Variants in DNAJA4 observed in about 807,000 individuals in gnomAD.
DNAJA4 encodes the protein DnaJ heat shock protein family (Hsp40) member A4.
In DNAJA4, 32 loss-of-function variants were observed where a neutral mutation model predicts 39.7. That is an observed-to-expected ratio of 0.81 (90% CI 0.61 to 1.08). The LOEUF (loss-of-function observed/expected upper bound fraction) is 1.08. DNAJA4 is among the 50% of genes least tolerant of loss of function. The probability of loss-of-function intolerance (pLI) is 0.00; values close to 1 mark genes in which losing one functional copy is unlikely to be tolerated. For missense variants in DNAJA4, 439 were observed against 505.1 expected (o/e 0.87, Z 1.25); for synonymous variants, 184 against 182.4 (o/e 1.01, Z -0.07).
Position 78,273,183 on chromosome 15 carries a change from T to C in DNAJA4, c.402T>C (p.Ile134=), listed in dbSNP as rs548410769. The change falls in exon 3 of 7, where the codon ATT becomes ATC. Residue 134 remains isoleucine (I), a synonymous_variant. Transcript: ENST00000394852. ...TKKLALQKNV[I]CEKCEGVGGK... ...AATTGGCCCTCCAGAAAAATGTAAT[T>C]TGTGAGAAATGTGAAGGTAAAAATT... 1 of 1,593,718 alleles carries C rather than the reference T, an allele frequency of 6.3e-7. No homozygotes were observed. The highest frequency in any genetic ancestry group is 1.7e-5 in the Admixed American group (1 of 59,972).
In DNAJA4 at chr15:78,270,486, C is replaced by T. The variant is rs763455731; in HGVS notation, c.133-11C>T. ...CTTCTCTAAAAATCTCTCTCTCTCT[C>T]TCTTTTAAAGTTTAAACTCATATCC... is the stretch of plus-strand genomic sequence containing the variant. On this transcript the variant is annotated splice_polypyrimidine_tract_variant and intron_variant, in intron 1 of 6. Coordinates refer to ENST00000394852, the MANE Select transcript of DNAJA4 (RefSeq NM_001130182.2). The T allele has an allele frequency of 1.2e-5, 20 of 1,600,482 alleles. No homozygotes were observed. Among genetic ancestry groups the T allele is most frequent in the Non-Finnish European group, 1.7e-5 (20 of 1,174,410 alleles).
intron 5 of DNAJA4, chr15:78,277,811 A>C: frequency 2.9e-6 from 1 of 349,824 alleles, no homozygotes; most frequent in Non-Finnish European, 5.6e-6. Context: ...CCCCAGAGGG[A>C]AGGAAGTGGC....
At chr15:78,272,277 CA>C (rs1369794438) in intron 2 of DNAJA4, among the ~76,000 whole-genome samples, 1 of 152,150 alleles carries the variant, frequency 6.6e-6, no homozygotes, top group Non-Finnish European at 1.5e-5. Context: ...GCGGAGCTTG[CA>C]GTGAGCCAAG....
Position 78,280,102 on chromosome 15 carries a change from ACAAAG to A in DNAJA4, c.938_942del (p.Lys313ThrfsTer17). 1 of 1,614,254 alleles carries A rather than the reference ACAAAG, an allele frequency of 6.2e-7. No homozygotes were observed. Among genetic ancestry groups the A allele is most frequent in the Non-Finnish European group, 8.5e-7 (1 of 1,180,034 alleles). ...GTGCGCGATGAAGGAATGCCCATCT[ACAAAG>A]CACCCCTGGAAAAAGGGATTCTGAT... is the stretch of plus-strand genomic sequence containing the variant. On this transcript the variant is annotated frameshift_variant, in exon 6 of 7. Coordinates refer to ENST00000394852, the MANE Select transcript of DNAJA4 (RefSeq NM_001130182.2). LOFTEE classifies it low-confidence loss of function (END_TRUNC).
At chr15:78,273,234 T>C in intron 3 of DNAJA4, 35 bp downstream of exon 3, 1 of 1,181,844 alleles carries the variant, frequency 8.5e-7, no homozygotes, top group Non-Finnish European at 1.3e-6. Context: ...CGCACAGTTC[T>C]GATCCCTTAG....
chr15:78,278,920 C>T (rs1257614976), intron 5 of DNAJA4, among the ~76,000 whole-genome samples: 4 of 149,744 alleles, frequency 2.7e-5, no homozygotes, highest in Admixed American at 6.7e-5. Context: ...CCGCCCGCCT[C>T]GGCCTCCCAA....
At position 78,270,533 on chromosome 15, in the gene DNAJA4, G is replaced by C; in HGVS notation, c.169G>C (p.Asp57His). ...ATCCCAGGCATATGAAGTGCTTTCA[G>C]ATCCAAAGAAAAGGGATGTTTATGA... ...LISQAYEVLSDPKKRDVYDQG... is the reference protein window; with the variant it reads ...LISQAYEVLSHPKKRDVYDQG... Residue 57 changes from aspartate (D) to histidine (H), a missense_variant, in exon 2 of 7, where the codon GAT (aspartate) becomes CAT (histidine). Transcript: ENST00000394852. 6.2e-7 allele frequency: 1 copy of C among 1,614,022 alleles called. No individual in the cohort carries two copies.
rs1340440597 is a variant in DNAJA4 at position 78,281,806 on chromosome 15, TG to T, written c.*1347del. 1 of 152,202 alleles carries T rather than the reference TG, an allele frequency of 6.6e-6. No individual in the cohort carries two copies. Among genetic ancestry groups the T allele is most frequent in the Non-Finnish European group, 1.5e-5 (1 of 68,054 alleles). 9.4% of individuals were successfully genotyped at this position (152,202 alleles called of 1,614,324 possible). A position where few individuals can be genotyped will look rare whatever the true frequency, so the allele number is the denominator to read the frequency against. ...GGGATCTTCCTTAGGAGGGTCAAAG[TG>T]CAGATCAGACCATGCAGGTAAGGTG... is the stretch of plus-strand genomic sequence containing the variant. On this transcript the variant is annotated 3_prime_UTR_variant, in exon 7 of 7. Coordinates refer to ENST00000394852, the MANE Select transcript of DNAJA4 (RefSeq NM_001130182.2).
Position 78,280,153 on chromosome 15 carries a change from C to G in DNAJA4, c.978+8C>G. ...CTGATCATACAGTTTTTAGTAAGTTCACTATGTTTCATTGTCATGGACATA... is the reference window on the plus strand; with the variant it reads ...CTGATCATACAGTTTTTAGTAAGTTGACTATGTTTCATTGTCATGGACATA... On this transcript the variant is annotated splice_region_variant and intron_variant, in intron 6 of 6. Coordinates refer to ENST00000394852, the MANE Select transcript of DNAJA4 (RefSeq NM_001130182.2). 1 of 1,613,562 alleles carries G rather than the reference C, an allele frequency of 6.2e-7. No homozygotes were observed. Among genetic ancestry groups the G allele is most frequent in the Non-Finnish European group, 8.5e-7 (1 of 1,179,474 alleles).
chr15:78,275,451 T>C (rs1314054146), intron 4 of DNAJA4, 47 bp from the exon 5 acceptor site: 1 of 1,468,316 alleles, frequency 6.8e-7, no homozygotes, highest in Non-Finnish European at 9.5e-7. Context: ...TAAGGAAGCA[T>C]GGTTTGTATG....
rs200472331 is a variant in DNAJA4 at position 78,270,616 on chromosome 15, A to C, written c.252A>C (p.Ser84=). 36 of 1,614,212 alleles carry C rather than the reference A, an allele frequency of 2.2e-5. No homozygotes were observed. Among genetic ancestry groups the C allele is most frequent in the Middle Eastern group, 1.6e-4 (1 of 6,062 alleles). ...EGGSGSPSFS[S]PMDIFDMFFG... ...GCTCAGGCAGCCCCAGCTTCTCTTC[A>C]CCCATGGACATCTTTGACATGTTCT... The change falls in exon 2 of 7, where the codon TCA becomes TCC. Residue 84 remains serine (S), a synonymous_variant. Coordinates refer to ENST00000394852, the MANE Select transcript of DNAJA4 (RefSeq NM_001130182.2).
At chr15:78,266,251 A>G in intron 1 of DNAJA4, 1 of 1,614,008 alleles carries the variant, frequency 6.2e-7, no homozygotes, top group African/African-American at 1.3e-5. Context: ...ACATGTGGGA[A>G]AGCCTGACCC....
At chr15:78,277,789 G>A in intron 5 of DNAJA4, 1 of 345,358 alleles carries the variant, frequency 2.9e-6, no homozygotes, top group South Asian at 2.3e-5. Context: ...AGTGAGGGTG[G>A]TGGAGAAAGA....
chr15:78,264,263 A>T (rs150768595), upstream of DNAJA4: 76,114 of 1,236,214 alleles, frequency 0.062, 2,672 homozygotes, highest in Non-Finnish European at 0.069. Context: ...GCGGCGGGAC[A>T]GTTGTCGGAG....
At position 78,264,685 on chromosome 15, in the gene DNAJA4, C is replaced by T; in HGVS notation, c.-79C>T. 1 of 1,189,442 alleles carries T rather than the reference C, an allele frequency of 8.4e-7. No homozygotes were observed. The highest frequency in any genetic ancestry group is 1.7e-5 in the South Asian group (1 of 57,916). The allele number at this position is 1,189,442 out of a possible 1,614,324, so 73.7% of individuals were successfully genotyped here. A position where few individuals can be genotyped will look rare whatever the true frequency, so the allele number is the denominator to read the frequency against. On this transcript the variant is annotated 5_prime_UTR_variant, in exon 1 of 7. Coordinates refer to ENST00000394852, the MANE Select transcript of DNAJA4 (RefSeq NM_001130182.2). ...GCGAGCGGGCGGCGGGGGCGCGGGC[C>T]AGGGGCGCGGGCCAGGGTGCCGGCA...
chr15:78,265,631 A>G (rs1204991047), intron 1 of DNAJA4: 3 of 702,270 alleles, frequency 4.3e-6, no homozygotes, highest in Non-Finnish European at 7.8e-6. Flanking sequence ...CATCCTGTTT[A>G]CAGAAAGTTT....
At chr15:78,273,853 A>G (rs2049370299) in intron 3 of DNAJA4, among the ~76,000 whole-genome samples, 1 of 152,190 alleles carries the variant, frequency 6.6e-6, no homozygotes, top group African/African-American at 2.4e-5. Flanking sequence ...CTATTGACAG[A>G]GCTTGTGTTG....
chr15:78,268,800 T>A (rs139287644), intron 1 of DNAJA4, among the ~76,000 whole-genome samples: 1 of 152,176 alleles, frequency 6.6e-6, no homozygotes, highest in Non-Finnish European at 1.5e-5. Flanking sequence ...AAACCCCCCA[T>A]CTTCATGGAG....
rs570792305 is a variant in DNAJA4 at position 78,266,720 on chromosome 15, C to T, written c.132+1825C>T. Among the ~76,000 whole-genome samples the T allele has an allele frequency of 1.2e-4, 18 of 152,318 alleles. 1 individual carries two copies. Among genetic ancestry groups the T allele is most frequent in the African/African-American group, 4.3e-4 (18 of 41,556 alleles). On this transcript the variant is annotated intron_variant, in intron 1 of 6. Coordinates refer to ENST00000394852, the MANE Select transcript of DNAJA4 (RefSeq NM_001130182.2). ...GATTACTTGTTTGATTAACTGTATT[C>T]CTTTAATGGTGATTACTTGTTTGAT...
Sources: allele counts gnomAD v4.1 joint callset (sites outside exome capture counted in the v4.1 genomes callset), GRCh38; gene constraint gnomAD v4.1.1; transcripts MANE v1.5; gene names NCBI Gene and HGNC (gene_info 2026-07-23, HGNC 2026-07-21).